The following MCMDC2 variants were observed in gnomAD, a reference collection of about 807,000 sequenced individuals.
MCMDC2 encodes minichromosome maintenance domain-containing protein 2.
Under a neutral mutation model 75.8 loss-of-function variants are expected in MCMDC2, and 54 were observed. The ratio of observed to expected loss-of-function variants is 0.71; its 90% CI spans 0.57 to 0.89. The LOEUF is 0.89. Among genes scored for constraint, MCMDC2 ranks in the 40% least tolerant of loss-of-function variants. The pLI is 0.00. For synonymous variants in MCMDC2, 249 were observed against 274.6 expected, an observed-to-expected ratio of 0.91 and a Z score of 0.92; for missense variants, 656 against 780.4, an observed-to-expected ratio of 0.84 and a Z score of 1.90.
In MCMDC2 at chr8:66,917,208, A is replaced by G. The variant is rs538488058; in HGVS notation, c.1880-1795A>G. On this transcript the variant is annotated intron_variant, in intron 14 of 14. Transcript: ENST00000422365. Reference sequence around the variant, plus strand: ...AAGGAAAGCAGTGTTCTTAAGAGATAGTAAGCTTTCAGAGAAGATCAGGTA... The same window carrying G: ...AAGGAAAGCAGTGTTCTTAAGAGATGGTAAGCTTTCAGAGAAGATCAGGTA... Among the ~76,000 whole-genome samples the G allele has an allele frequency of 2.6e-5, 4 of 152,288 alleles. No individual in the cohort carries two copies. The East Asian group carries it at 7.7e-4, about 29-fold the overall frequency.
At chr8:66,885,032 C>CT (rs1313612535) in intron 9 of MCMDC2, among the ~76,000 whole-genome samples, 1 of 152,154 alleles carries the variant, frequency 6.6e-6, no homozygotes, top group African/African-American at 2.4e-5. Context: ...CATTATCCAA[C>CT]TTTAAAATTT....
At chr8:66,880,333 A>G (rs969405151) in intron 7 of MCMDC2, among the ~76,000 whole-genome samples, 2 of 152,234 alleles carry the variant, frequency 1.3e-5, no homozygotes, top group Non-Finnish European at 2.9e-5. Context: ...ATTTGAGGTT[A>G]CAGTGAACTG....
chr8:66,894,278 A>C (rs1461768295), intron 10 of MCMDC2, among the ~76,000 whole-genome samples: 2 of 152,270 alleles, frequency 1.3e-5, no homozygotes. Context: ...CTTCTAATAC[A>C]GAAAGAAGGC....
At chr8:66,873,015 A>G (rs1811100343) in intron 1 of MCMDC2, among the ~76,000 whole-genome samples, 1 of 150,826 alleles carries the variant, frequency 6.6e-6, no homozygotes, top group Non-Finnish European at 1.5e-5. Context: ...GTTAGTCATT[A>G]TTTCTGACTT....
At chr8:66,876,563 C>G (rs1354659254) in intron 4 of MCMDC2, among the ~76,000 whole-genome samples, 16 of 152,032 alleles carry the variant, frequency 1.1e-4, no homozygotes, top group Non-Finnish European at 1.9e-4. Context: ...ATTTGTTAGA[C>G]CATACCCCAA....
intron 10 of MCMDC2, 57 bp downstream of exon 10, chr8:66,891,127 T>A: frequency 2.2e-6 from 3 of 1,359,422 alleles, no homozygotes; most frequent in Non-Finnish European, 3.0e-6. Flanking sequence ...CTCATCCATG[T>A]TGAGATACTT....
chr8:66,881,496 G>A (rs189393060), intron 8 of MCMDC2, among the ~76,000 whole-genome samples: 2 of 152,306 alleles, frequency 1.3e-5, no homozygotes, highest in Admixed American at 6.5e-5. Context: ...AGACCAGCCT[G>A]GCCAAGATGG....
At chr8:66,925,177 A>T (rs1249813473), downstream of MCMDC2, among the ~76,000 whole-genome samples, 1 of 152,212 alleles carries the variant, frequency 6.6e-6, no homozygotes, top group Admixed American at 6.5e-5. Flanking sequence ...CCAGTTTCTG[A>T]GCAGAGGACA....
chr8:66,917,508 G>A (rs965694280), intron 14 of MCMDC2, among the ~76,000 whole-genome samples: 4 of 152,068 alleles, frequency 2.6e-5, no homozygotes, highest in African/African-American at 4.8e-5. Flanking sequence ...ACCACCCTTC[G>A]TCGCCAGAGC....
At chr8:66,923,250 T>C (rs750904676), downstream of MCMDC2, among the ~76,000 whole-genome samples, 38 of 152,164 alleles carry the variant, frequency 2.5e-4, no homozygotes, top group South Asian at 4.1e-4. Context: ...GATACCTATA[T>C]TGGCATTTTT....
intron 14 of MCMDC2, among the ~76,000 whole-genome samples, chr8:66,913,782 G>C (rs1224123592): frequency 1.3e-5 from 2 of 151,318 alleles, no homozygotes; most frequent in Non-Finnish European, 2.9e-5. Context: ...CTGGACAAAT[G>C]GTGAAACCCC....
chr8:66,898,798 G>C (rs1266501894), intron 12 of MCMDC2, among the ~76,000 whole-genome samples: 2 of 152,084 alleles, frequency 1.3e-5, no homozygotes, highest in Non-Finnish European at 2.9e-5. Context: ...TGTAAGAAAG[G>C]GTAAAATTTA....
intron 12 of MCMDC2, among the ~76,000 whole-genome samples, chr8:66,897,305 G>A (rs1470580872): frequency 6.6e-6 from 1 of 151,772 alleles, no homozygotes; most frequent in East Asian, 1.9e-4. Context: ...TACTCGGGAG[G>A]CTGAGGCAGG....
intron 1 of MCMDC2, among the ~76,000 whole-genome samples, chr8:66,871,877 G>C (rs961334935): frequency 6.6e-6 from 1 of 151,180 alleles, no homozygotes; most frequent in African/African-American, 2.5e-5. Flanking sequence ...CTCCAACCTG[G>C]GCAACATAGT....
chr8:66,925,843 C>A (rs547424663), downstream of MCMDC2, among the ~76,000 whole-genome samples: 58 of 152,192 alleles, frequency 3.8e-4, 2 homozygotes, highest in South Asian at 0.012. Context: ...TGGATGCAAA[C>A]GAGCAGAATA....
At chr8:66,878,086 A>T (rs1015733317) in intron 5 of MCMDC2, among the ~76,000 whole-genome samples, 1 of 151,670 alleles carries the variant, frequency 6.6e-6, no homozygotes, top group African/African-American at 2.4e-5. Context: ...TGCTCTTCTC[A>T]CACATTATTT....
At chr8:66,871,059 G>A (rs1443159743) in intron 1 of MCMDC2, among the ~76,000 whole-genome samples, 1 of 152,192 alleles carries the variant, frequency 6.6e-6, no homozygotes, top group Non-Finnish European at 1.5e-5. Context: ...TAGACTAAGG[G>A]AAGACAGGGA....
At position 66,884,977 on chromosome 8, in the gene MCMDC2, A is replaced by G. The variant is rs532722328; in HGVS notation, c.1073+983A>G. 9.9e-5 allele frequency among the ~76,000 whole-genome samples: 15 copies of G among 151,972 alleles called. No individual in the cohort carries two copies. In the East Asian group the frequency reaches 1.2e-3, roughly 12 times the overall value. ...TTTTTTATATAAACAAAGTCTCCCT[A>G]TGTTGCTAAGGCTGAACTCCTGGGC... On this transcript the variant is annotated intron_variant, in intron 9 of 14. Coordinates refer to ENST00000422365, the MANE Select transcript of MCMDC2 (RefSeq NM_173518.5).
chr8:66,878,882 G>A lies in MCMDC2; in HGVS notation c.672G>A (p.Gln224=). ...CTTTTCAAGGATATTCTAACAACCA[G>A]CCATTTAGGTTTCAATCACTTACAA... is the stretch of plus-strand genomic sequence containing the variant. ...LRAFQGYSNN[Q]PFRFQSLTIF... is the part of the protein sequence containing the mutation. The change falls in exon 7 of 15, where the codon CAG becomes CAA. Residue 224 remains glutamine, a synonymous_variant. Transcript: ENST00000422365. 1 of 1,609,840 alleles carries A rather than the reference G, an allele frequency of 6.2e-7. No homozygotes were observed. The highest frequency in any genetic ancestry group is 1.1e-5 in the South Asian group (1 of 90,544).
Sources: gnomAD v4.1 joint callset for allele counts (sites outside exome capture counted in the v4.1 genomes callset) on GRCh38, gnomAD v4.1.1 for gene constraint, MANE v1.5 for transcripts, NCBI Gene and HGNC (gene_info 2026-07-23, HGNC 2026-07-21) for gene names.